The following RELN variants were observed in gnomAD, a reference collection of about 807,000 sequenced individuals.
RELN encodes reelin.
In RELN, 108 loss-of-function variants were observed where a neutral mutation model predicts 427.6. That is an observed-to-expected ratio of 0.25 (90% confidence interval 0.22 to 0.30). RELN has a LOEUF of 0.30. Among genes scored for constraint, RELN ranks in the 10% least tolerant of loss-of-function variants. The pLI is 1.00. For missense variants in RELN, 3,715 were observed against 4,302.8 expected (o/e 0.86, Z 3.82); for synonymous variants, 1,524 against 1,513.4 (o/e 1.01, Z -0.16).
chr7:103,574,381 G>T, intron 29 of RELN, 82 bp from the exon 30 acceptor site: 1 of 1,146,506 alleles, frequency 8.7e-7, no homozygotes, highest in Non-Finnish European at 1.3e-6. Flanking sequence ...GGCAAAGGAA[G>T]AATGTCCATA....
intron 21 of RELN, 39 bp from the exon 22 acceptor site, chr7:103,610,846 T>C: frequency 8.3e-7 from 1 of 1,202,842 alleles, no homozygotes; most frequent in Non-Finnish European, 1.2e-6. Context: ...CCAGCTTCTG[T>C]TTTCCTCAGG....
chr7:103,855,746 C>G (rs1793930401), intron 2 of RELN, among the ~76,000 whole-genome samples: 1 of 152,120 alleles, frequency 6.6e-6, no homozygotes, highest in African/African-American at 2.4e-5. Context: ...AGCCTCTCTC[C>G]TAGCTTCTGG....
chr7:103,826,029 C>A (rs915394209), intron 3 of RELN, among the ~76,000 whole-genome samples: 3 of 151,866 alleles, frequency 2.0e-5, no homozygotes, highest in Non-Finnish European at 4.4e-5. Context: ...TGGATAAATG[C>A]CATTATTGTG....
At chr7:103,530,367 G>C (rs1829913000) in intron 46 of RELN, among the ~76,000 whole-genome samples, 1 of 152,158 alleles carries the variant, frequency 6.6e-6, no homozygotes, top group African/African-American at 2.4e-5. Flanking sequence ...TTCTTTCTTT[G>C]AAATGCTCTG....
chr7:103,503,771 G>C (rs1386162998), intron 51 of RELN, among the ~76,000 whole-genome samples: 1 of 151,618 alleles, frequency 6.6e-6, no homozygotes, highest in Non-Finnish European at 1.5e-5. Flanking sequence ...TAGGTAGACA[G>C]AATAAATTGG....
At chr7:103,689,789 TTGA>T (rs1833836238) in intron 10 of RELN, among the ~76,000 whole-genome samples, 1 of 151,950 alleles carries the variant, frequency 6.6e-6, no homozygotes, top group Admixed American at 6.6e-5. Context: ...TTTGCAGCTC[TTGA>T]TGATAACTTG....
rs912939919 is a variant in RELN, at chr7:103,835,967, T to C, written c.338-2295A>G. Among the ~76,000 whole-genome samples the C allele has an allele frequency of 2.6e-5, 4 of 151,586 alleles. No individual in the cohort carries two copies. The East Asian group carries it at 5.8e-4, about 22-fold the overall frequency. On this transcript the variant is annotated intron_variant, in intron 2 of 64. Transcript: ENST00000428762. ...CTCTCAATTACCCTTTTTTTTTTTT[T>C]TTTTTATAGGCGGAGTCTCACTCCG... is the stretch of plus-strand genomic sequence containing the variant.
intron 36 of RELN, among the ~76,000 whole-genome samples, chr7:103,559,395 C>A (rs927288691): frequency 1.3e-5 from 2 of 152,218 alleles, no homozygotes; most frequent in Non-Finnish European, 2.9e-5. Flanking sequence ...AGCATAGATT[C>A]ATACTTCAGG....
At chr7:103,886,839 G>T (rs3914130) in intron 2 of RELN, among the ~76,000 whole-genome samples, 39 of 152,216 alleles carry the variant, frequency 2.6e-4, no homozygotes, top group African/African-American at 8.9e-4. Flanking sequence ...TATACTTTTA[G>T]GCAGCCACCA....
intron 1 of RELN, among the ~76,000 whole-genome samples, chr7:103,973,905 C>T (rs1470218333): frequency 6.6e-6 from 1 of 152,138 alleles, no homozygotes; most frequent in Non-Finnish European, 1.5e-5. Context: ...CACTTTGGGA[C>T]GCCAAGGCGG....
At chr7:103,680,577 T>C (rs1833630693) in intron 11 of RELN, among the ~76,000 whole-genome samples, 1 of 151,808 alleles carries the variant, frequency 6.6e-6, no homozygotes, top group African/African-American at 2.4e-5. Flanking sequence ...AGAAGATAGG[T>C]AGAAAGACTT....
In RELN at chr7:103,968,559, C is replaced by T. The variant is rs941656274; in HGVS notation, c.226+20572G>A. On this transcript the variant is annotated intron_variant, in intron 1 of 64. Coordinates refer to ENST00000428762, the MANE Select transcript of RELN (RefSeq NM_005045.4). This position sits in a 1 kb window ranked among gnomAD's most constrained non-coding sequence, Gnocchi z 4.3. Reference sequence around the variant, plus strand: ...TGTAAAAAAGAAGAAATTAGATCTCCTCAATGAGAGATCCAAGAAGACAAA... The same window carrying T: ...TGTAAAAAAGAAGAAATTAGATCTCTTCAATGAGAGATCCAAGAAGACAAA... Among the ~76,000 whole-genome samples the T allele has an allele frequency of 1.3e-5, 2 of 152,030 alleles. No homozygotes were observed. The highest frequency in any genetic ancestry group is 4.8e-5 in the African/African-American group (2 of 41,382).
chr7:103,736,688 C>T (rs1184856537), intron 6 of RELN, among the ~76,000 whole-genome samples: 1 of 152,150 alleles, frequency 6.6e-6, no homozygotes, highest in Non-Finnish European at 1.5e-5. Flanking sequence ...TGGTAAATTC[C>T]ACTACATGCT....
At chr7:103,498,657 A>AT (rs1296479346) in intron 53 of RELN, among the ~76,000 whole-genome samples, 1 of 151,640 alleles carries the variant, frequency 6.6e-6, no homozygotes, top group Admixed American at 6.6e-5. Context: ...ACACCTGGCT[A>AT]TTTTTTGTAT....
chr7:103,490,591 G>T (rs967724420), intron 59 of RELN, 77 bp downstream of exon 59: 1 of 1,472,120 alleles, frequency 6.8e-7, no homozygotes, highest in East Asian at 2.3e-5. Flanking sequence ...CACACTGTCA[G>T]TTGTTTTCAG....
At position 103,604,380 on chromosome 7, in the gene RELN, T is replaced by A; in HGVS notation, c.3112A>T (p.Ser1038Cys). The change falls in exon 23 of 65, where the codon AGT (serine) becomes TGT (cysteine). Residue 1038 changes from serine (S) to cysteine (C), a missense_variant. Coordinates refer to ENST00000428762, the MANE Select transcript of RELN (RefSeq NM_005045.4). ...YIGQQCPNMC[S>C]GHGSCDHGIC... ...CCATGATCGCATGAGCCATGCCCAC[T>A]GCACATGTTGGGGCACTGCTGCCCA... is the stretch of plus-strand genomic sequence containing the variant. 6.2e-7 allele frequency: 1 copy of A among 1,613,926 alleles called. No individual in the cohort carries two copies. The highest frequency in any genetic ancestry group is 8.5e-7 in the Non-Finnish European group (1 of 1,179,848).
chr7:103,474,560 A>G (rs1258113985), intron 64 of RELN, among the ~76,000 whole-genome samples: 2 of 152,258 alleles, frequency 1.3e-5, no homozygotes, highest in East Asian at 3.9e-4. Context: ...AAATTTATCC[A>G]TTTATTAGCT....
At chr7:103,738,448 C>A (rs142564318) in intron 6 of RELN, among the ~76,000 whole-genome samples, 1 of 151,728 alleles carries the variant, frequency 6.6e-6, no homozygotes, top group Non-Finnish European at 1.5e-5. Context: ...CAATGAGATA[C>A]GCAGATCTCA....
chr7:103,508,390 A>C (rs968069375), intron 51 of RELN, among the ~76,000 whole-genome samples: 2 of 152,210 alleles, frequency 1.3e-5, no homozygotes, highest in African/African-American at 4.8e-5. Flanking sequence ...CCAACATATA[A>C]ATGACAAAAA....
Sources: allele counts gnomAD v4.1 joint callset (sites outside exome capture counted in the v4.1 genomes callset), GRCh38; gene constraint gnomAD v4.1.1; non-coding constraint Gnocchi (gnomAD v3.1); transcripts MANE v1.5; gene names NCBI Gene and HGNC (gene_info 2026-07-23, HGNC 2026-07-21).